Variants in KRABD3 observed in about 807,000 individuals in gnomAD.
KRABD3 encodes the protein KRAB domain-containing protein 3.
At chr7:149,720,867 G>T in the KRABD3 span, 1 of 1,603,466 alleles carries the variant, frequency 6.2e-7, no homozygotes. Context: ...GCACCTCACA[G>T]CCCTGGTGCA....
the KRABD3 span, among the ~76,000 whole-genome samples, chr7:149,719,120 G>C: frequency 3.9e-5 from 6 of 152,328 alleles, no homozygotes; most frequent in Admixed American, 1.3e-4. This position sits in a 1 kb window ranked among gnomAD's most constrained non-coding sequence, Gnocchi z 5.6. Flanking sequence ...CTTGCCTCTT[G>C]TGGCTTCTGG....
the KRABD3 span, among the ~76,000 whole-genome samples, chr7:149,727,349 A>G: frequency 6.6e-6 from 1 of 152,208 alleles, no homozygotes. Flanking sequence ...AAGCCCCACT[A>G]TGGGTTAGCC....
chr7:149,734,146 C>A, the KRABD3 span: 1 of 1,424,050 alleles, frequency 7.0e-7, no homozygotes, highest in Non-Finnish European at 9.4e-7. Flanking sequence ...TCCCAGAGGA[C>A]GCCATCTCCC....
At chr7:149,720,870 C>A in the KRABD3 span, 1 of 1,604,482 alleles carries the variant, frequency 6.2e-7, no homozygotes, top group Non-Finnish European at 8.5e-7. Context: ...CCTCACAGCC[C>A]TGGTGCAGCT....
chr7:149,734,282 A>C, the KRABD3 span: 10 of 552,170 alleles, frequency 1.8e-5, no homozygotes, highest in East Asian at 3.2e-5. Flanking sequence ...ATTCAATCAA[A>C]TGTTGCTTCC....
At chr7:149,722,542 C>G in the KRABD3 span, 1 of 1,586,918 alleles carries the variant, frequency 6.3e-7, no homozygotes, top group African/African-American at 1.4e-5. Context: ...GAGAGAGGGA[C>G]CTCAGAGGCC....
At chr7:149,721,374 C>A in the KRABD3 span, 1 of 1,580,520 alleles carries the variant, frequency 6.3e-7, no homozygotes, top group African/African-American at 1.4e-5. Context: ...CCCTCTTTCC[C>A]GACAGCAGCT....
the KRABD3 span, chr7:149,725,574 C>T: frequency 2.2e-6 from 3 of 1,336,554 alleles, no homozygotes; most frequent in Non-Finnish European, 3.0e-6. Flanking sequence ...TCATTGTGTT[C>T]CCCGGCCTCC....
chr7:149,733,852 T>G, the KRABD3 span: 3 of 1,599,736 alleles, frequency 1.9e-6, no homozygotes, highest in Admixed American at 5.1e-5. Context: ...CTTTAGTGCC[T>G]GCTGCCTTAC....
the KRABD3 span, chr7:149,725,488 G>A: frequency 1.2e-6 from 2 of 1,600,970 alleles, no homozygotes; most frequent in Middle Eastern, 1.7e-4. Context: ...ACACAGTGAA[G>A]GTAGATTGTG....
the KRABD3 span, chr7:149,725,213 G>T: frequency 8.4e-7 from 1 of 1,196,912 alleles, no homozygotes; most frequent in Non-Finnish European, 1.1e-6. Context: ...TACAGGACTC[G>T]TCACCCCTGT....
chr7:149,728,541 C>T, the KRABD3 span: 1 of 1,613,534 alleles, frequency 6.2e-7, no homozygotes, highest in Non-Finnish European at 8.5e-7. Context: ...CCAGGAAGCT[C>T]CCCACTGCAG....
At chr7:149,717,783 C>T in the KRABD3 span, among the ~76,000 whole-genome samples, 1 of 152,168 alleles carries the variant, frequency 6.6e-6, no homozygotes, top group African/African-American at 2.4e-5. Context: ...GGCAGAGAGC[C>T]CGGCAGTAAG....
the KRABD3 span, chr7:149,723,576 G>A: frequency 1.5e-6 from 1 of 671,242 alleles, no homozygotes; most frequent in South Asian, 2.1e-5. Context: ...GTTCTGGCAG[G>A]TGTGTGGACC....
chr7:149,732,617 T>TAA, the KRABD3 span, among the ~76,000 whole-genome samples: 28 of 147,852 alleles, frequency 1.9e-4, no homozygotes, highest in South Asian at 5.2e-3. This position sits in a 1 kb window ranked among gnomAD's most constrained non-coding sequence, Gnocchi z 4.0. Context: ...GATCTTTTTT[T>TAA]AAAAAAAACA....
chr7:149,730,239 GGCCCCA>G, the KRABD3 span: 20 of 1,564,764 alleles, frequency 1.3e-5, no homozygotes, highest in Admixed American at 7.5e-5. Flanking sequence ...CTGCGTGGGA[GGCCCCA>G]GCCCCAGCCC....
the KRABD3 span, among the ~76,000 whole-genome samples, chr7:149,731,505 G>T: frequency 6.6e-6 from 1 of 152,196 alleles, no homozygotes. Context: ...GCACCGCGGC[G>T]GGCCCTGCCA....
the KRABD3 span, chr7:149,721,583 C>T: frequency 6.3e-7 from 1 of 1,587,806 alleles, no homozygotes; most frequent in South Asian, 1.1e-5. Context: ...TTCAAAAGCC[C>T]TGATCGTGGC....
the KRABD3 span, chr7:149,733,707 C>G: frequency 6.3e-7 from 1 of 1,581,716 alleles, no homozygotes. Flanking sequence ...CCTCCAGACG[C>G]TCCCCCGGCA....
Sources: allele counts gnomAD v4.1 joint callset (sites outside exome capture counted in the v4.1 genomes callset), GRCh38; gene constraint gnomAD v4.1.1; non-coding constraint Gnocchi (gnomAD v3.1); transcripts MANE v1.5; gene names NCBI Gene and HGNC (gene_info 2026-07-23, HGNC 2026-07-21).